CCDC181: variants seen among roughly 807,000 people sequenced by gnomAD.
CCDC181 encodes the protein coiled-coil domain containing 181.
CCDC181 carries 35 observed loss-of-function variants against 58.7 expected under a neutral mutation model. That is an observed-to-expected ratio of 0.60 (90% CI 0.46 to 0.79). CCDC181 has a LOEUF of 0.79. Among genes scored for constraint, CCDC181 ranks in the 30% least tolerant of loss-of-function variants. CCDC181 has a pLI of 0.00. For synonymous variants in CCDC181, 183 were observed against 197.5 expected, an observed-to-expected ratio of 0.93 and a Z score of 0.62; for missense variants, 517 against 583.9, an observed-to-expected ratio of 0.89 and a Z score of 1.18.
chr1:169,423,772 A>G (rs1259451748), intron 2 of CCDC181, among the ~76,000 whole-genome samples: 3 of 151,652 alleles, frequency 2.0e-5, no homozygotes, highest in East Asian at 3.9e-4. Flanking sequence ...CAACCTTACC[A>G]CTCTGGGTAT....
At chr1:169,429,702 T>C (rs75658069), upstream of CCDC181, among the ~76,000 whole-genome samples, 1,635 of 152,324 alleles carry the variant, frequency 0.011, 38 homozygotes, top group African/African-American at 0.038. Context: ...TTGTGGATAT[T>C]AGTCCTTAGT....
chr1:169,424,924 T>G lies in CCDC181; in HGVS notation c.4A>C (p.Asn2His), dbSNP rs199660251. 39 of 1,553,832 alleles carry G rather than the reference T, an allele frequency of 2.5e-5. No homozygotes were observed. The highest frequency in any genetic ancestry group is 3.3e-5 in the Non-Finnish European group (37 of 1,128,152). The change falls in exon 2 of 6, where the codon AAT (asparagine) becomes CAT (histidine). Residue 2 changes from asparagine (N) to histidine (H), a missense_variant. Asn to His is a moderately conservative substitution (Grantham distance 68, BLOSUM62 1). Coordinates refer to ENST00000367806, the MANE Select transcript of CCDC181 (RefSeq NM_001300969.2). The part of the protein sequence containing the change: M[N>H]ENKDTDSKKS... ...TTTGAATCAGTATCTTTATTTTCATTCATTTTCTGTTTGTGAAGGAAATAT... is the reference window on the plus strand; with the variant it reads ...TTTGAATCAGTATCTTTATTTTCATGCATTTTCTGTTTGTGAAGGAAATAT...
At chr1:169,440,764 GAAAC>G (rs1408947091) in intron 2 of CCDC181, among the ~76,000 whole-genome samples, 4 of 151,328 alleles carry the variant, frequency 2.6e-5, no homozygotes, top group African/African-American at 9.7e-5. Context: ...TAAAAATACA[GAAAC>G]AAAACAAAAC....
At chr1:169,395,238 G>C in intron 5 of CCDC181, 32 bp from the exon 6 acceptor site, 1 of 1,577,610 alleles carries the variant, frequency 6.3e-7, no homozygotes. Context: ...GATTTGGTGA[G>C]TATCAACCTG....
chr1:169,398,557 T>C (rs1016697981), intron 4 of CCDC181, among the ~76,000 whole-genome samples: 6 of 152,084 alleles, frequency 3.9e-5, no homozygotes, highest in African/African-American at 1.4e-4. Context: ...CTGGGTTGCA[T>C]TAATAAAATT....
chr1:169,431,007 T>A (rs2101738157), upstream of CCDC181, among the ~76,000 whole-genome samples: 1 of 152,320 alleles, frequency 6.6e-6, no homozygotes, highest in Admixed American at 6.5e-5. Flanking sequence ...TACTTTCAAT[T>A]TCCCATCTGC....
chr1:169,413,939 A>G (rs1656099456), intron 4 of CCDC181, among the ~76,000 whole-genome samples: 1 of 152,172 alleles, frequency 6.6e-6, no homozygotes, highest in Admixed American at 6.5e-5. Flanking sequence ...TGATGGGTAC[A>G]GCAAATCACC....
At chr1:169,450,852 A>G (rs183549066) in intron 2 of CCDC181, among the ~76,000 whole-genome samples, 2 of 152,320 alleles carry the variant, frequency 1.3e-5, no homozygotes, top group African/African-American at 4.8e-5. Flanking sequence ...GTATACTGCT[A>G]TCTCATTGGC....
chr1:169,395,455 G>GT (rs1440330520), intron 5 of CCDC181, among the ~76,000 whole-genome samples: 5 of 152,094 alleles, frequency 3.3e-5, no homozygotes, highest in African/African-American at 1.2e-4. Flanking sequence ...AACTTAATTG[G>GT]TTTTTTAATA....
At chr1:169,426,141 T>C (rs1379251624) in intron 1 of CCDC181, among the ~76,000 whole-genome samples, 1 of 152,102 alleles carries the variant, frequency 6.6e-6, no homozygotes, top group East Asian at 1.9e-4. Flanking sequence ...TGTTGTAACT[T>C]AAAAACAAAA....
chr1:169,448,238 AAAAT>A (rs1048729660), intron 2 of CCDC181, among the ~76,000 whole-genome samples: 2 of 152,132 alleles, frequency 1.3e-5, no homozygotes, highest in African/African-American at 4.8e-5. Flanking sequence ...AAGAATAAGA[AAAAT>A]AAAATATTTT....
chr1:169,421,646 G>A lies in CCDC181; in HGVS notation c.785C>T (p.Ser262Phe). ...TTCTTTCTTGGTGCCACTGACAGAG[G>A]AGTTGGAAGATCTGGGTAACAACTG... ...PQQLLPRSSN[S>F]SVSGTKKEDS... Residue 262 changes from serine to phenylalanine, a missense_variant, in exon 3 of 6, where the codon TCC becomes TTC. Physicochemically the swap from Ser to Phe is radical, Grantham distance 155. Coordinates refer to ENST00000367806, the MANE Select transcript of CCDC181 (RefSeq NM_001300969.2). 1 of 1,614,112 alleles carries A rather than the reference G, an allele frequency of 6.2e-7. No individual in the cohort carries two copies. Among genetic ancestry groups the A allele is most frequent in the Non-Finnish European group, 8.5e-7 (1 of 1,180,012 alleles).
At chr1:169,425,164 C>T (rs1656660736) in intron 1 of CCDC181, among the ~76,000 whole-genome samples, 1 of 152,002 alleles carries the variant, frequency 6.6e-6, no homozygotes, top group South Asian at 2.1e-4. Context: ...CCACCTTCCC[C>T]CTGTTCCCCA....
chr1:169,431,211 T>C (rs1656911008), upstream of CCDC181, among the ~76,000 whole-genome samples: 1 of 152,240 alleles, frequency 6.6e-6, no homozygotes, highest in South Asian at 2.1e-4. Flanking sequence ...CTTTACTGAA[T>C]TAATTTATCA....
At chr1:169,453,300 C>A (rs1342731548) in intron 2 of CCDC181, among the ~76,000 whole-genome samples, 1 of 152,060 alleles carries the variant, frequency 6.6e-6, no homozygotes, top group Non-Finnish European at 1.5e-5. Context: ...AGCAGCAAGT[C>A]ACCATGTCTG....
At chr1:169,411,317 A>G (rs1655950409) in intron 4 of CCDC181, among the ~76,000 whole-genome samples, 2 of 152,236 alleles carry the variant, frequency 1.3e-5, no homozygotes, top group African/African-American at 2.4e-5. Flanking sequence ...GGACACATAC[A>G]CCCTCCCAAG....
intron 2 of CCDC181, chr1:169,454,390 A>G (rs1319431880): frequency 6.6e-6 from 1 of 152,116 alleles, no homozygotes; most frequent in South Asian, 2.1e-4. Flanking sequence ...TACAAAAGAT[A>G]TAATATCTTA....
intron 2 of CCDC181, among the ~76,000 whole-genome samples, chr1:169,458,329 T>C (rs1038704004): frequency 6.6e-6 from 1 of 152,160 alleles, no homozygotes; most frequent in Admixed American, 6.5e-5. Flanking sequence ...CAAAATGTTA[T>C]TCAAAGGGAT....
At chr1:169,405,714 A>C (rs1434134739) in intron 4 of CCDC181, among the ~76,000 whole-genome samples, 2 of 152,212 alleles carry the variant, frequency 1.3e-5, no homozygotes, top group Middle Eastern at 3.2e-3. Context: ...CTAGAAGAAA[A>C]GCTAGGAAAT....
Sources: gnomAD v4.1 joint callset for allele counts (sites outside exome capture counted in the v4.1 genomes callset) on GRCh38, gnomAD v4.1.1 for gene constraint, MANE v1.5 for transcripts, NCBI Gene and HGNC (gene_info 2026-07-23, HGNC 2026-07-21) for gene names.